PKN2: variants seen among roughly 807,000 people sequenced by gnomAD.
The protein encoded by PKN2 is serine/threonine-protein kinase N2.
A neutral mutation model predicts 119.1 loss-of-function variants in PKN2; 38 were observed. The observed-to-expected ratio is 0.32, with a 90% CI of 0.25 to 0.42. PKN2 has a LOEUF of 0.42. PKN2 is among the 10% of genes least tolerant of loss of function. PKN2 has a pLI of 1.00. For missense variants in PKN2, 850 were observed against 1,165.1 expected, an observed-to-expected ratio of 0.73 and a Z score of 3.94; for synonymous variants, 390 against 384.9, an observed-to-expected ratio of 1.01 and a Z score of -0.15.
intron 1 of PKN2, among the ~76,000 whole-genome samples, chr1:88,727,835 C>T (rs556974794): frequency 1.3e-5 from 2 of 152,084 alleles, no homozygotes; most frequent in African/African-American, 2.4e-5. Flanking sequence ...TAATACTAAC[C>T]GGACCACCTA....
intron 3 of PKN2, among the ~76,000 whole-genome samples, chr1:88,763,847 C>A (rs1188229396): frequency 6.6e-6 from 1 of 152,066 alleles, no homozygotes; most frequent in Non-Finnish European, 1.5e-5. Context: ...TGTGGATAGA[C>A]TGATGAATTA....
At chr1:88,772,146 C>G (rs1669921668) in intron 6 of PKN2, among the ~76,000 whole-genome samples, 2 of 152,242 alleles carry the variant, frequency 1.3e-5, no homozygotes, top group South Asian at 4.1e-4. Context: ...GCAGTCACTC[C>G]CCATTCCCCC....
intron 16 of PKN2, among the ~76,000 whole-genome samples, chr1:88,817,429 C>T (rs891726443): frequency 6.8e-6 from 1 of 146,440 alleles, no homozygotes; most frequent in African/African-American, 2.5e-5. Flanking sequence ...AAAAAAAGGC[C>T]GGGTGAGGTG....
Position 88,813,537 on chromosome 1 carries a change from T to A in PKN2, c.2103-20T>A, listed in dbSNP as rs1671862482. 5 of 1,482,032 alleles carry A rather than the reference T, an allele frequency of 3.4e-6. No homozygotes were observed. Among genetic ancestry groups the A allele is most frequent in the Non-Finnish European group, 4.6e-6 (5 of 1,092,220 alleles). The allele number at this position is 1,482,032 out of a possible 1,614,324, so 91.8% of individuals were successfully genotyped here. On this transcript the variant is annotated intron_variant, in intron 15 of 21. Coordinates refer to ENST00000370521, the MANE Select transcript of PKN2 (RefSeq NM_006256.4). The stretch of plus-strand genomic sequence containing the variant: ...AGAATTATTTTTAATCTGCTTATTT[T>A]AAAATATTTTCTTTTACAGCCTGAT...
At position 88,760,230 on chromosome 1, in the gene PKN2, A is replaced by G; in HGVS notation, c.358A>G (p.Arg120Gly). The change falls in exon 3 of 22, where the codon AGG becomes GGG. Residue 120 changes from arginine (R) to glycine (G), a missense_variant. Coordinates refer to ENST00000370521, the MANE Select transcript of PKN2 (RefSeq NM_006256.4). ...CAATATTTTATTTACAGATTGCCCA[A>G]GGACTCCAGATACTCCAAATAATGA... ...SDPEDITDCP[R>G]TPDTPNNDPR... is the part of the protein sequence containing the mutation. 1.3e-6 allele frequency: 2 copies of G among 1,542,458 alleles called. No individual in the cohort carries two copies. Among genetic ancestry groups the G allele is most frequent in the Non-Finnish European group, 1.8e-6 (2 of 1,126,020 alleles).
At chr1:88,741,364 T>A (rs1668573433) in intron 2 of PKN2, 76 bp downstream of exon 2, 1 of 966,714 alleles carries the variant, frequency 1.0e-6, no homozygotes, top group Non-Finnish European at 1.4e-6. Context: ...ATAGTAAGTT[T>A]GGGGACATGA....
chr1:88,754,372 A>C (rs1669121058), intron 2 of PKN2, among the ~76,000 whole-genome samples: 1 of 152,176 alleles, frequency 6.6e-6, no homozygotes, highest in Non-Finnish European at 1.5e-5. Flanking sequence ...CTTAGCACTC[A>C]AGATGCTTAT....
chr1:88,833,026 A>T (rs1289367967), intron 20 of PKN2, 51 bp from the exon 21 acceptor site: 2 of 1,482,676 alleles, frequency 1.3e-6, no homozygotes, highest in African/African-American at 2.9e-5. Flanking sequence ...CTTATCAGTG[A>T]ATTTTATTCT....
At chr1:88,760,933 T>C (rs1217560468) in intron 3 of PKN2, among the ~76,000 whole-genome samples, 1 of 152,162 alleles carries the variant, frequency 6.6e-6, no homozygotes, top group East Asian at 1.9e-4. Context: ...TAAAAAGAAA[T>C]TATCTAAAAG....
At position 88,786,563 on chromosome 1, in the gene PKN2, A is replaced by G. The variant is rs115233737; in HGVS notation, c.1281+350A>G. Reference sequence around the variant, plus strand: ...ATGTGTAGGTTATCTTACTCGAGCTATATTTGAAATGAGCTATTAGGCTTG... The same window carrying G: ...ATGTGTAGGTTATCTTACTCGAGCTGTATTTGAAATGAGCTATTAGGCTTG... On this transcript the variant is annotated intron_variant, in intron 8 of 21. Transcript: ENST00000370521. Among the ~76,000 whole-genome samples the G allele has an allele frequency of 4.5e-3, 687 of 152,240 alleles. 2 individuals carry two copies. Among genetic ancestry groups the G allele is most frequent in the African/African-American group, 0.016 (645 of 41,550 alleles).
chr1:88,744,947 C>T (rs2100752274), intron 2 of PKN2, among the ~76,000 whole-genome samples: 1 of 152,212 alleles, frequency 6.6e-6, no homozygotes, highest in Non-Finnish European at 1.5e-5. Flanking sequence ...TCATCATGCC[C>T]ATGATACTCT....
chr1:88,760,199 T>G (rs1669385849), intron 2 of PKN2, 23 bp from the exon 3 acceptor site: 2 of 1,355,818 alleles, frequency 1.5e-6, no homozygotes, highest in African/African-American at 3.0e-5. Context: ...TAATAAGTAA[T>G]TTTAACAATA....
chr1:88,783,639 G>T (rs975771171), intron 6 of PKN2, among the ~76,000 whole-genome samples: 4 of 152,082 alleles, frequency 2.6e-5, no homozygotes, highest in African/African-American at 9.7e-5. Flanking sequence ...CTCCTAAAAT[G>T]TTATTCATTG....
chr1:88,721,582 A>T (rs75757027), intron 1 of PKN2, among the ~76,000 whole-genome samples: 2,505 of 152,256 alleles, frequency 0.016, 46 homozygotes, highest in South Asian at 0.067. Context: ...GATTATTGGG[A>T]GGTCTGCTTA....
At chr1:88,808,767 T>C (rs1405810399) in intron 15 of PKN2, among the ~76,000 whole-genome samples, 1 of 152,202 alleles carries the variant, frequency 6.6e-6, no homozygotes, top group African/African-American at 2.4e-5. Context: ...TGGACATTTT[T>C]CTTACACCAC....
At position 88,792,541 on chromosome 1, in the gene PKN2, A is replaced by T. The variant is rs1009692917; in HGVS notation, c.1281+6328A>T. On this transcript the variant is annotated intron_variant, in intron 8 of 21. Coordinates refer to ENST00000370521, the MANE Select transcript of PKN2 (RefSeq NM_006256.4). ...GAGCACAAGCCTACATTTCCAACCC[A>T]TGTACTCGAAAATCCACATAACACT... Among the ~76,000 whole-genome samples, 2 of 152,188 alleles carry T rather than the reference A, an allele frequency of 1.3e-5. 1 individual carries two copies. The highest frequency in any genetic ancestry group is 4.1e-4 in the South Asian group (2 of 4,830).
chr1:88,733,799 T>C (rs1218816040), intron 1 of PKN2, among the ~76,000 whole-genome samples: 1 of 152,206 alleles, frequency 6.6e-6, no homozygotes, highest in Non-Finnish European at 1.5e-5. Flanking sequence ...TACTTAGTGG[T>C]TGAGCATTCC....
chr1:88,784,567 TA>T, intron 6 of PKN2, 71 bp from the exon 7 acceptor site: 1 of 924,706 alleles, frequency 1.1e-6, no homozygotes, highest in Non-Finnish European at 1.5e-6. Flanking sequence ...TTTGAATAGG[TA>T]AGAGATTTAG....
intron 17 of PKN2, 28 bp from the exon 18 acceptor site, chr1:88,824,282 T>C: frequency 8.5e-7 from 1 of 1,178,276 alleles, no homozygotes; most frequent in Non-Finnish European, 1.2e-6. Flanking sequence ...TTTTTTTTTT[T>C]CATGCTGTAT....
Sources: allele counts gnomAD v4.1 joint callset (sites outside exome capture counted in the v4.1 genomes callset), GRCh38; gene constraint gnomAD v4.1.1; transcripts MANE v1.5; gene names NCBI Gene and HGNC (gene_info 2026-07-23, HGNC 2026-07-21).